Variants in CSMD1 observed in about 807,000 individuals in gnomAD.
The protein encoded by CSMD1 is CUB and Sushi multiple domains 1.
A neutral mutation model predicts 417.5 loss-of-function variants in CSMD1; 213 were observed. The observed-to-expected ratio is 0.51, with a 90% confidence interval of 0.46 to 0.57. The LOEUF (loss-of-function observed/expected upper bound fraction) is 0.57. Ranked by LOEUF, CSMD1 falls within the 20% of genes least tolerant of loss-of-function variation. CSMD1 has a pLI of 0.00. For synonymous variants in CSMD1, 2,862 were observed against 1,736.8 expected (o/e 1.65, Z -16.11); for missense variants, 6,923 against 4,529.7 (o/e 1.53, Z -15.17).
At chr8:4,980,789 C>G (rs2117430430) in intron 1 of CSMD1, among the ~76,000 whole-genome samples, 1 of 152,006 alleles carries the variant, frequency 6.6e-6, no homozygotes, top group African/African-American at 2.4e-5. Context: ...TCTGTAGTCC[C>G]AGCTACTTGG....
chr8:4,862,506 A>G (rs2116879130), intron 1 of CSMD1, among the ~76,000 whole-genome samples: 1 of 152,244 alleles, frequency 6.6e-6, no homozygotes, highest in East Asian at 1.9e-4. Context: ...GCAGTGAAAT[A>G]TCATCGTGGT....
intron 41 of CSMD1, among the ~76,000 whole-genome samples, chr8:3,134,395 G>A (rs1817962447): frequency 6.6e-6 from 1 of 152,176 alleles, no homozygotes; most frequent in Non-Finnish European, 1.5e-5. Context: ...AACCACGAAG[G>A]CATGCGCTGC....
At chr8:3,410,000 C>A (rs1812583999) in intron 12 of CSMD1, among the ~76,000 whole-genome samples, 1 of 152,198 alleles carries the variant, frequency 6.6e-6, no homozygotes, top group East Asian at 1.9e-4. Flanking sequence ...TAATATTCTT[C>A]ATTCCCTACT....
rs552229602 is a variant in CSMD1, at chr8:4,816,260, C to T, written c.85+178072G>A. ...AGTGCAGTAGTGCAATCTTGGCTCACTGCAAACTCTGCCTCCTGGGTTCAA... is the reference window on the plus strand; with the variant it reads ...AGTGCAGTAGTGCAATCTTGGCTCATTGCAAACTCTGCCTCCTGGGTTCAA... On this transcript the variant is annotated intron_variant, in intron 1 of 69. Coordinates refer to ENST00000635120, the MANE Select transcript of CSMD1 (RefSeq NM_033225.6). Among the ~76,000 whole-genome samples, 6 of 152,212 alleles carry T rather than the reference C, an allele frequency of 3.9e-5. No individual in the cohort carries two copies. The South Asian group carries it at 1.2e-3, about 32-fold the overall frequency.
chr8:3,481,136 C>A (rs1319817907), intron 11 of CSMD1, among the ~76,000 whole-genome samples: 17 of 113,762 alleles, frequency 1.5e-4, no homozygotes, highest in South Asian at 6.0e-4. Context: ...GCCTGGGCAA[C>A]AGAGCGAGAC....
intron 4 of CSMD1, among the ~76,000 whole-genome samples, chr8:4,026,096 C>T (rs1797051393): frequency 6.6e-6 from 1 of 151,788 alleles, no homozygotes; most frequent in South Asian, 2.1e-4. Flanking sequence ...ATACTCATTT[C>T]ATTCGTGTGA....
chr8:4,623,315 A>T (rs1801887921), intron 2 of CSMD1, among the ~76,000 whole-genome samples: 1 of 152,190 alleles, frequency 6.6e-6, no homozygotes. Flanking sequence ...TACAATGACG[A>T]AAACTAAAAA....
intron 11 of CSMD1, among the ~76,000 whole-genome samples, chr8:3,474,853 C>G (rs1176063852): frequency 6.6e-6 from 1 of 152,224 alleles, no homozygotes; most frequent in East Asian, 1.9e-4. Flanking sequence ...CTGATTTAAA[C>G]TTAAAAATAA....
At chr8:4,309,820 T>C (rs936666783) in intron 3 of CSMD1, among the ~76,000 whole-genome samples, 5 of 152,186 alleles carry the variant, frequency 3.3e-5, no homozygotes, top group Non-Finnish European at 7.3e-5. Flanking sequence ...TCGCCCTTAC[T>C]TCATTTTAAA....
intron 46 of CSMD1, among the ~76,000 whole-genome samples, chr8:3,101,856 C>G (rs1815780142): frequency 7.3e-6 from 1 of 137,720 alleles, no homozygotes; most frequent in South Asian, 2.3e-4. Context: ...GGCTGGAGTG[C>G]AGTGACGTGA....
chr8:3,915,921 G>C (rs916676051), intron 5 of CSMD1, among the ~76,000 whole-genome samples: 1 of 150,534 alleles, frequency 6.6e-6, no homozygotes, highest in Admixed American at 6.7e-5. Context: ...GTTATCTGAG[G>C]CAGACCTACA....
intron 1 of CSMD1, among the ~76,000 whole-genome samples, chr8:4,748,638 A>G (rs908304776): frequency 3.9e-5 from 6 of 152,186 alleles, no homozygotes; most frequent in Non-Finnish European, 7.3e-5. Context: ...TATTGACTGG[A>G]ATGTCTCCAG....
intron 27 of CSMD1, among the ~76,000 whole-genome samples, chr8:3,227,737 G>C (rs571383699): frequency 4.0e-5 from 6 of 151,542 alleles, no homozygotes; most frequent in South Asian, 2.1e-4. Flanking sequence ...TTACGAAACA[G>C]TCAAGCAGGA....
intron 7 of CSMD1, among the ~76,000 whole-genome samples, chr8:3,643,694 C>G (rs1469496815): frequency 3.4e-5 from 3 of 88,078 alleles, no homozygotes; most frequent in East Asian, 3.3e-4. Context: ...GCGTGAGACT[C>G]CGTCTCAAAA....
chr8:4,301,230 T>C (rs1383140186), intron 3 of CSMD1, among the ~76,000 whole-genome samples: 1 of 152,140 alleles, frequency 6.6e-6, no homozygotes, highest in Non-Finnish European at 1.5e-5. Context: ...GTCAAAACAA[T>C]CTCATAATAA....
chr8:4,189,076 T>C (rs983323899), intron 3 of CSMD1, among the ~76,000 whole-genome samples: 6 of 152,206 alleles, frequency 3.9e-5, no homozygotes, highest in African/African-American at 9.7e-5. Context: ...GTTAATTATC[T>C]AGTAATGAAA....
intron 3 of CSMD1, among the ~76,000 whole-genome samples, chr8:4,148,663 G>A (rs1178172465): frequency 5.3e-5 from 8 of 152,126 alleles, no homozygotes; most frequent in Admixed American, 3.9e-4. Context: ...GCAGAGAGAG[G>A]AGCGTGCCCT....
intron 10 of CSMD1, among the ~76,000 whole-genome samples, chr8:3,541,745 A>AT (rs1491583631): frequency 0.056 from 7,552 of 135,932 alleles, 614 homozygotes; most frequent in African/African-American, 0.21. Flanking sequence ...AATATTATAT[A>AT]AATATATATA....
chr8:3,291,983 T>C (rs983367236), intron 25 of CSMD1, among the ~76,000 whole-genome samples: 4 of 152,228 alleles, frequency 2.6e-5, no homozygotes, highest in Admixed American at 1.3e-4. Context: ...AATTTTCCTC[T>C]ACACACTGCT....
Sources: allele counts gnomAD v4.1 joint callset (sites outside exome capture counted in the v4.1 genomes callset), GRCh38; gene constraint gnomAD v4.1.1; transcripts MANE v1.5; gene names NCBI Gene and HGNC (gene_info 2026-07-23, HGNC 2026-07-21).